The following CSMD1 variants were observed in gnomAD, a reference collection of about 807,000 sequenced individuals.
CSMD1 encodes the protein CUB and sushi domain-containing protein 1.
A neutral mutation model predicts 417.5 loss-of-function variants in CSMD1; 213 were observed. The ratio of observed to expected loss-of-function variants is 0.51; its 90% confidence interval spans 0.46 to 0.57. The LOEUF is 0.57. Ranked by LOEUF, CSMD1 falls within the 20% of genes least tolerant of loss-of-function variation. CSMD1 has a pLI of 0.00. For synonymous variants in CSMD1, 2,862 were observed against 1,736.8 expected (o/e 1.65, Z -16.11); for missense variants, 6,923 against 4,529.7 (o/e 1.53, Z -15.17).
intron 7 of CSMD1, among the ~76,000 whole-genome samples, chr8:3,618,045 A>C (rs1802231288): frequency 6.6e-6 from 1 of 152,152 alleles, no homozygotes; most frequent in Admixed American, 6.5e-5. Context: ...TCTGTTGCCC[A>C]GGTGGGAGTG....
chr8:3,280,774 C>A (rs1802673079), intron 26 of CSMD1, among the ~76,000 whole-genome samples: 1 of 73,190 alleles, frequency 1.4e-5, no homozygotes. Context: ...ATGCTTATTT[C>A]TTACTAAACA....
In CSMD1 at chr8:2,950,189, A is replaced by G. The variant is rs779544527; in HGVS notation, c.10314+42T>C. The G allele has an allele frequency of 2.7e-5, 34 of 1,266,306 alleles. No homozygotes were observed. The South Asian group carries it at 3.9e-4, about 15-fold the overall frequency. The allele number at this position is 1,266,306 out of a possible 1,614,324, so 78.4% of individuals were successfully genotyped here. ...CTTGCATCTGCACAGAGAGATGATT[A>G]GAAAGCCTGTGCTTTGTCACAGACC... On this transcript the variant is annotated intron_variant, in intron 67 of 69. Transcript: ENST00000635120.
intron 26 of CSMD1, among the ~76,000 whole-genome samples, chr8:3,261,424 G>C (rs1801050831): frequency 6.6e-6 from 1 of 152,116 alleles, no homozygotes; most frequent in Non-Finnish European, 1.5e-5. Flanking sequence ...ATACGGCTTG[G>C]GTGATGGGTG....
At chr8:4,108,063 GAGACAGAGAC>G (rs200599391) in intron 3 of CSMD1, among the ~76,000 whole-genome samples, 10 of 490 alleles carry the variant, frequency 0.02, no homozygotes, top group South Asian at 0.17. Context: ...GACAGAGACA[GAGACAGAGAC>G]AGAGAGAGAG....
chr8:3,562,939 C>T (rs1381301402), intron 10 of CSMD1, among the ~76,000 whole-genome samples: 1 of 151,826 alleles, frequency 6.6e-6, no homozygotes, highest in Non-Finnish European at 1.5e-5. Flanking sequence ...AAAACCAAAC[C>T]ATCCATTTAG....
At chr8:3,877,464 C>T (rs4329297) in intron 5 of CSMD1, among the ~76,000 whole-genome samples, 100,400 of 151,902 alleles carry the variant, frequency 0.66, 34,758 homozygotes, top group Middle Eastern at 0.79. Flanking sequence ...GCAGGCCCTA[C>T]AGCTCTCTCA....
chr8:3,167,022 C>T (rs1820265081), intron 37 of CSMD1, among the ~76,000 whole-genome samples: 1 of 152,190 alleles, frequency 6.6e-6, no homozygotes, highest in Non-Finnish European at 1.5e-5. Context: ...CACAGTGGCT[C>T]ACGCCTGTCA....
At chr8:3,170,170 C>A (rs1366733303) in intron 37 of CSMD1, among the ~76,000 whole-genome samples, 1 of 152,174 alleles carries the variant, frequency 6.6e-6, no homozygotes, top group Admixed American at 6.5e-5. Context: ...TTTGAGTGCT[C>A]ATTTTTCTTT....
intron 12 of CSMD1, among the ~76,000 whole-genome samples, chr8:3,464,083 A>T (rs1816667268): frequency 6.6e-6 from 1 of 152,262 alleles, no homozygotes; most frequent in African/African-American, 2.4e-5. Flanking sequence ...ACTATACAGC[A>T]GCACATCACA....
At chr8:3,190,301 G>A (rs1461363914) in intron 33 of CSMD1, among the ~76,000 whole-genome samples, 186 bp from the exon 34 acceptor site, 1 of 104,978 alleles carries the variant, frequency 9.5e-6, no homozygotes, top group African/African-American at 3.9e-5. Flanking sequence ...TGCAGATAGA[G>A]AAGTTAATAA....
At chr8:4,058,432 C>A (rs1270502498) in intron 3 of CSMD1, among the ~76,000 whole-genome samples, 3 of 152,090 alleles carry the variant, frequency 2.0e-5, no homozygotes, top group South Asian at 4.1e-4. Flanking sequence ...AGGAGATTTT[C>A]GGCTGGGACA....
At chr8:3,708,906 A>C (rs1801333872) in intron 6 of CSMD1, among the ~76,000 whole-genome samples, 1 of 152,180 alleles carries the variant, frequency 6.6e-6, no homozygotes, top group Admixed American at 6.5e-5. Flanking sequence ...TAAAAAGGCC[A>C]GTTGCTCATT....
At position 3,162,293 on chromosome 8, in the gene CSMD1, C is replaced by T. The variant is rs371991826; in HGVS notation, c.5726-16G>A. The T allele has an allele frequency of 4.6e-5, 68 of 1,482,056 alleles. No individual in the cohort carries two copies. Among genetic ancestry groups the T allele is most frequent in the African/African-American group, 3.3e-4 (24 of 72,274 alleles). The allele number at this position is 1,482,056 out of a possible 1,614,324, so 91.8% of individuals were successfully genotyped here. On this transcript the variant is annotated splice_polypyrimidine_tract_variant and intron_variant, in intron 37 of 69. Coordinates refer to ENST00000635120, the MANE Select transcript of CSMD1 (RefSeq NM_033225.6). ...AGACCTACAGCTAGAAATGCAAAGA[C>T]AAATGCTAGAAATTATATGATGTAA...
chr8:2,998,275 A>G (rs1807091260), intron 53 of CSMD1, 91 bp from the exon 54 acceptor site: 1 of 1,343,108 alleles, frequency 7.4e-7, no homozygotes, highest in South Asian at 1.3e-5. Context: ...CAGGCATGCT[A>G]ACGGTATGGA....
intron 1 of CSMD1, among the ~76,000 whole-genome samples, chr8:4,837,491 C>T (rs572820062): frequency 6.6e-6 from 1 of 152,220 alleles, no homozygotes; most frequent in East Asian, 1.9e-4. Flanking sequence ...AAGCCAGGCA[C>T]AGAAAGGCAA....
intron 5 of CSMD1, among the ~76,000 whole-genome samples, chr8:3,871,916 G>A (rs778306162): frequency 6.6e-6 from 1 of 152,110 alleles, no homozygotes; most frequent in Non-Finnish European, 1.5e-5. Context: ...ATGAATTAAC[G>A]TAGCCCTAAT....
chr8:3,298,587 G>C (rs923942318), intron 25 of CSMD1, among the ~76,000 whole-genome samples: 2 of 152,062 alleles, frequency 1.3e-5, no homozygotes, highest in African/African-American at 4.8e-5. Context: ...CCGAGTAGCT[G>C]GGATTATAGG....
At chr8:3,765,078 G>A (rs867564337) in intron 5 of CSMD1, among the ~76,000 whole-genome samples, 1 of 152,032 alleles carries the variant, frequency 6.6e-6, no homozygotes, top group East Asian at 1.9e-4. Flanking sequence ...ATTTTTCATA[G>A]CTTTCAAACA....
chr8:4,954,063 A>C (rs1236513536), intron 1 of CSMD1, among the ~76,000 whole-genome samples: 1 of 152,154 alleles, frequency 6.6e-6, no homozygotes, highest in Non-Finnish European at 1.5e-5. Flanking sequence ...CTTTCTCCAA[A>C]TTCATAAACA....
Sources: gnomAD v4.1 joint callset for allele counts (sites outside exome capture counted in the v4.1 genomes callset) on GRCh38, gnomAD v4.1.1 for gene constraint, MANE v1.5 for transcripts, NCBI Gene and HGNC (gene_info 2026-07-23, HGNC 2026-07-21) for gene names.